Variants in BBX observed in about 807,000 individuals in gnomAD.
The protein encoded by BBX is HMG box transcription factor BBX.
BBX carries 30 observed loss-of-function variants against 100.2 expected under a neutral mutation model. The ratio of observed to expected loss-of-function variants is 0.30; its 90% CI spans 0.22 to 0.41. BBX has a LOEUF of 0.41. BBX is among the 10% of genes least tolerant of loss of function. The pLI, the probability that BBX is intolerant of heterozygous loss-of-function variation, is 1.00. For synonymous variants in BBX, 376 were observed against 388.1 expected (o/e 0.97, Z 0.37); for missense variants, 1,023 against 1,129.8 (o/e 0.91, Z 1.35).
chr3:107,778,571 C>G, intron 13 of BBX, 52 bp downstream of exon 13: 2 of 1,580,816 alleles, frequency 1.3e-6, no homozygotes, highest in African/African-American at 2.7e-5. Context: ...TCAAGTGACC[C>G]TTCAGCCAAG....
intron 8 of BBX, among the ~76,000 whole-genome samples, chr3:107,747,313 C>T (rs907646094): frequency 6.6e-6 from 1 of 152,030 alleles, no homozygotes; most frequent in Non-Finnish European, 1.5e-5. Flanking sequence ...ATTTAGTAAA[C>T]AATTTATTGA....
intron 10 of BBX, among the ~76,000 whole-genome samples, chr3:107,764,150 G>A (rs1473350830): frequency 6.6e-6 from 1 of 152,140 alleles, no homozygotes; most frequent in Non-Finnish European, 1.5e-5. Context: ...CCGCCACCAT[G>A]CCCAGCTAAT....
intron 2 of BBX, among the ~76,000 whole-genome samples, chr3:107,620,852 C>T (rs1473970281): frequency 6.6e-6 from 1 of 151,220 alleles, no homozygotes; most frequent in Non-Finnish European, 1.5e-5. Context: ...TCTGATGCCA[C>T]CCAAACAGGG....
At chr3:107,689,703 TG>T (rs2060043372) in intron 3 of BBX, among the ~76,000 whole-genome samples, 1 of 152,226 alleles carries the variant, frequency 6.6e-6, no homozygotes, top group Non-Finnish European at 1.5e-5. Context: ...AATGGAAGTT[TG>T]GGATTCCTCT....
chr3:107,640,829 T>C (rs946127301), intron 2 of BBX, among the ~76,000 whole-genome samples: 1 of 151,910 alleles, frequency 6.6e-6, no homozygotes, highest in East Asian at 1.9e-4. Flanking sequence ...GCCCAACTAA[T>C]TTTTGTATTT....
intron 2 of BBX, among the ~76,000 whole-genome samples, chr3:107,590,968 C>G (rs1396793410): frequency 1.3e-5 from 2 of 152,208 alleles, no homozygotes; most frequent in Admixed American, 6.5e-5. Flanking sequence ...TGCAGTATTG[C>G]CGGAAACTTA....
chr3:107,715,598 A>AT (rs1304495022), intron 4 of BBX, among the ~76,000 whole-genome samples: 6 of 152,318 alleles, frequency 3.9e-5, no homozygotes, highest in African/African-American at 1.4e-4. Context: ...TTATAGAATC[A>AT]TTTTTTCCTT....
At chr3:107,788,105 TG>T (rs1244892380) in intron 13 of BBX, among the ~76,000 whole-genome samples, 1 of 152,198 alleles carries the variant, frequency 6.6e-6, no homozygotes. Context: ...AACCTATAGC[TG>T]GTATTTATTT....
At chr3:107,789,579 C>T (rs1052709733) in intron 13 of BBX, among the ~76,000 whole-genome samples, 1 of 152,174 alleles carries the variant, frequency 6.6e-6, no homozygotes, top group Non-Finnish European at 1.5e-5. Flanking sequence ...TTGCCCAATA[C>T]ATTTCTAAGG....
intron 10 of BBX, among the ~76,000 whole-genome samples, chr3:107,763,532 G>A (rs185762110): frequency 1.0e-3 from 159 of 152,226 alleles, no homozygotes; most frequent in Middle Eastern, 0.01. Context: ...TCTTTAAAGC[G>A]AGTCCGTAGT....
At chr3:107,523,402 C>T (rs2047508550) in intron 1 of BBX, 1 of 148,714 alleles carries the variant, frequency 6.7e-6, no homozygotes, top group African/African-American at 2.5e-5. Context: ...CGGCTGGGGC[C>T]GGGGGGCGGG....
intron 5 of BBX, among the ~76,000 whole-genome samples, chr3:107,721,025 A>G (rs937109120): frequency 5.9e-5 from 9 of 152,102 alleles, no homozygotes; most frequent in Non-Finnish European, 1.0e-4. Flanking sequence ...CACTTTGCCT[A>G]CTATTAGAGT....
At chr3:107,619,375 T>A (rs1220149828) in intron 2 of BBX, among the ~76,000 whole-genome samples, 1 of 152,168 alleles carries the variant, frequency 6.6e-6, no homozygotes, top group African/African-American at 2.4e-5. Context: ...CCCCTTTATG[T>A]CTCTTTACTT....
At chr3:107,685,609 A>C (rs2059803364) in intron 3 of BBX, among the ~76,000 whole-genome samples, 1 of 152,130 alleles carries the variant, frequency 6.6e-6, no homozygotes. Flanking sequence ...CTTGATTTCC[A>C]CTTTTCTGAT....
intron 4 of BBX, among the ~76,000 whole-genome samples, chr3:107,713,967 C>CTTTTTTTTTTTTTTTTTTT (rs569427270): frequency 1.2e-5 from 1 of 82,282 alleles, no homozygotes. Context: ...TAATTTTTTT[C>CTTTTTTTTTTTTTTTTTTT]TTTTTTTTTT....
intron 10 of BBX, among the ~76,000 whole-genome samples, chr3:107,764,539 A>G (rs1056914763): frequency 9.9e-5 from 15 of 152,238 alleles, no homozygotes; most frequent in African/African-American, 3.4e-4. Flanking sequence ...GACGATAGGT[A>G]TCAAATATTT....
At chr3:107,654,357 A>G (rs1326994667) in intron 3 of BBX, among the ~76,000 whole-genome samples, 1 of 152,160 alleles carries the variant, frequency 6.6e-6, no homozygotes, top group Non-Finnish European at 1.5e-5. Flanking sequence ...TAATAAGGCT[A>G]TTATATCTTA....
chr3:107,716,696 G>T lies in BBX; in HGVS notation c.252G>T (p.Met84Ile). 6.2e-7 allele frequency: 1 copy of T among 1,613,812 alleles called. No individual in the cohort carries two copies. The highest frequency in any genetic ancestry group is 1.7e-4 in the Middle Eastern group (1 of 6,056). Residue 84 changes from methionine to isoleucine, a missense_variant, in exon 5 of 18, where the codon ATG becomes ATT. Met to Ile is a conservative substitution (Grantham distance 10). Coordinates refer to ENST00000325805, the MANE Select transcript of BBX (RefSeq NM_001142568.3). The part of the protein sequence containing the change: ...ESPEQRARRP[M>I]NAFLLFCKRH... ...CAGAGCAGCGAGCCCGGAGACCAAT[G>T]AATGCATTTCTTTTATTTTGCAAAC...
At chr3:107,555,309 T>A (rs1180042552) in intron 2 of BBX, among the ~76,000 whole-genome samples, 1 of 152,156 alleles carries the variant, frequency 6.6e-6, no homozygotes, top group African/African-American at 2.4e-5. Context: ...GTTCCTTGAT[T>A]TAAGATTTTC....
Sources: allele counts gnomAD v4.1 joint callset (sites outside exome capture counted in the v4.1 genomes callset), GRCh38; gene constraint gnomAD v4.1.1; transcripts MANE v1.5; gene names NCBI Gene and HGNC (gene_info 2026-07-23, HGNC 2026-07-21).